Variants in DTNA observed in about 807,000 individuals in gnomAD.
DTNA encodes dystrobrevin alpha, also known as dystrophin-related protein 3.
Under a neutral mutation model 100.7 loss-of-function variants are expected in DTNA, and 43 were observed. The observed-to-expected ratio is 0.43, with a 90% CI of 0.33 to 0.55. DTNA has a LOEUF of 0.55. Among genes scored for constraint, DTNA ranks in the 20% least tolerant of loss-of-function variants. DTNA has a pLI of 0.04. For missense variants in DTNA, 798 were observed against 953.9 expected (o/e 0.84, Z 2.15); for synonymous variants, 349 against 347.9 (o/e 1.00, Z -0.04).
intron 1 of DTNA, among the ~76,000 whole-genome samples, chr18:34,596,193 T>C (rs1192087322): frequency 6.6e-6 from 1 of 152,182 alleles, no homozygotes; most frequent in Non-Finnish European, 1.5e-5. Flanking sequence ...GGCTCTTTGC[T>C]GTTTTTTGTT....
At chr18:34,800,597 A>G (rs756206696) in intron 4 of DTNA, among the ~76,000 whole-genome samples, 3 of 152,242 alleles carry the variant, frequency 2.0e-5, no homozygotes, top group Admixed American at 6.5e-5. Context: ...GCCTCTGCTT[A>G]TCAAAAATGC....
intron 1 of DTNA, among the ~76,000 whole-genome samples, chr18:34,516,299 A>G (rs2041608919): frequency 6.6e-6 from 1 of 152,116 alleles, no homozygotes; most frequent in Non-Finnish European, 1.5e-5. Context: ...CATCACAGAG[A>G]TCACATGCTT....
At chr18:34,610,195 A>G (rs979372210) in intron 1 of DTNA, among the ~76,000 whole-genome samples, 1 of 152,210 alleles carries the variant, frequency 6.6e-6, no homozygotes, top group Non-Finnish European at 1.5e-5. Flanking sequence ...TATTCTTACA[A>G]CCAAGGCCAC....
intron 1 of DTNA, among the ~76,000 whole-genome samples, chr18:34,555,900 G>C (rs1254368911): frequency 6.6e-6 from 1 of 152,028 alleles, no homozygotes; most frequent in African/African-American, 2.4e-5. Flanking sequence ...TTGGTGCAGA[G>C]CTGAGTTCAA....
rs1568377782 is a variant in DTNA at position 34,742,456 on chromosome 18, C to T, written c.-1-13520C>T. On this transcript the variant is annotated intron_variant, in intron 1 of 22. Coordinates refer to ENST00000444659, the MANE Select transcript of DTNA (RefSeq NM_001386795.1). ...GTGGGTCCTGCCTCCATCTTCGAATCCTCTCTCAACACTTTATGAGAACTC... is the reference window on the plus strand; with the variant it reads ...GTGGGTCCTGCCTCCATCTTCGAATTCTCTCTCAACACTTTATGAGAACTC... Among the ~76,000 whole-genome samples, 3 of 152,048 alleles carry T rather than the reference C, an allele frequency of 2.0e-5. No homozygotes were observed. In the South Asian group the frequency reaches 6.2e-4, roughly 32 times the overall value.
chr18:34,635,325 A>G (rs2058547020), intron 1 of DTNA, among the ~76,000 whole-genome samples: 1 of 152,212 alleles, frequency 6.6e-6, no homozygotes, highest in Non-Finnish European at 1.5e-5. Context: ...TGCAATTAAT[A>G]TGGGAATGCA....
chr18:34,595,420 C>A (rs926346615), intron 1 of DTNA, among the ~76,000 whole-genome samples: 20 of 151,504 alleles, frequency 1.3e-4, no homozygotes, highest in African/African-American at 4.1e-4. Flanking sequence ...ATGTAAAATT[C>A]TAAAATGAAG....
At chr18:34,602,175 T>C (rs1443340327) in intron 1 of DTNA, among the ~76,000 whole-genome samples, 1 of 152,214 alleles carries the variant, frequency 6.6e-6, no homozygotes, top group African/African-American at 2.4e-5. Context: ...TCGATAAAAC[T>C]CAGGAATTCA....
At chr18:34,804,214 C>G (rs1194961852) in intron 4 of DTNA, among the ~76,000 whole-genome samples, 1 of 152,048 alleles carries the variant, frequency 6.6e-6, no homozygotes, top group Non-Finnish European at 1.5e-5. Context: ...GGGGAGGGGC[C>G]AGGAGGCGTT....
At chr18:34,884,593 A>G in intron 21 of DTNA, 135 bp from the exon 22 acceptor site, 1 of 975,412 alleles carries the variant, frequency 1.0e-6, no homozygotes, top group South Asian at 1.3e-5. Context: ...ATGGATTGGA[A>G]CGCTACTCTC....
In DTNA at chr18:34,596,156, A is replaced by G. The variant is rs368298105; in HGVS notation, c.-2+102642A>G. Among the ~76,000 whole-genome samples, 12 of 152,272 alleles carry G rather than the reference A, an allele frequency of 7.9e-5. No individual in the cohort carries two copies. In the East Asian group the frequency reaches 2.3e-3, roughly 29 times the overall value. ...TTCTGATCTTCTCCTAAGTTTTCAT[A>G]TGCCAAATCTTCACCATCTTACTAA... is the stretch of plus-strand genomic sequence containing the variant. On this transcript the variant is annotated intron_variant, in intron 1 of 19. Transcript: ENST00000283365.
intron 1 of DTNA, among the ~76,000 whole-genome samples, chr18:34,664,538 A>G (rs1295778107): frequency 1.3e-5 from 2 of 152,132 alleles, no homozygotes; most frequent in Non-Finnish European, 2.9e-5. Flanking sequence ...ATGCTGGGTT[A>G]TACAATGTCC....
chr18:34,665,226 C>T (rs1236644556), intron 1 of DTNA, among the ~76,000 whole-genome samples: 1 of 151,940 alleles, frequency 6.6e-6, no homozygotes, highest in Non-Finnish European at 1.5e-5. Flanking sequence ...CCATATTTTG[C>T]ACACAAATAT....
chr18:34,787,614 C>T (rs1020956053), intron 3 of DTNA, among the ~76,000 whole-genome samples: 9 of 152,108 alleles, frequency 5.9e-5, no homozygotes, highest in South Asian at 2.1e-4. Context: ...ACTTTTCCTA[C>T]GGATGCTTGG....
chr18:34,550,299 G>A (rs1425266519), intron 1 of DTNA, among the ~76,000 whole-genome samples: 1 of 152,126 alleles, frequency 6.6e-6, no homozygotes, highest in Non-Finnish European at 1.5e-5. Flanking sequence ...TAAGGGACTA[G>A]TGAGCAGAGT....
chr18:34,544,144 G>A (rs193065008), intron 1 of DTNA, among the ~76,000 whole-genome samples: 1 of 152,180 alleles, frequency 6.6e-6, no homozygotes, highest in Non-Finnish European at 1.5e-5. Context: ...CTGACCTCAT[G>A]GAAGCCATCA....
chr18:34,809,932 G>T (rs1488997040), intron 5 of DTNA, among the ~76,000 whole-genome samples: 1 of 151,942 alleles, frequency 6.6e-6, no homozygotes, highest in Non-Finnish European at 1.5e-5. Flanking sequence ...GGAGATGAAG[G>T]GCGCCCCCTG....
intron 1 of DTNA, among the ~76,000 whole-genome samples, chr18:34,577,965 T>C (rs1276983907): frequency 6.6e-6 from 1 of 151,848 alleles, no homozygotes; most frequent in East Asian, 1.9e-4. Context: ...TGGCTTTTTT[T>C]CCTCTGGGTA....
chr18:34,572,189 C>G (rs1219100385), intron 1 of DTNA, among the ~76,000 whole-genome samples: 1 of 152,200 alleles, frequency 6.6e-6, no homozygotes, highest in Non-Finnish European at 1.5e-5. Flanking sequence ...AACAGATGCT[C>G]AGAACCCAGC....
Sources: gnomAD v4.1 joint callset for allele counts (sites outside exome capture counted in the v4.1 genomes callset) on GRCh38, gnomAD v4.1.1 for gene constraint, MANE v1.5 for transcripts, NCBI Gene and HGNC (gene_info 2026-07-23, HGNC 2026-07-21) for gene names.